KIRREL3: variants seen among roughly 807,000 people sequenced by gnomAD.
The protein encoded by KIRREL3 is kin of IRRE-like protein 3.
A neutral mutation model predicts 89.7 loss-of-function variants in KIRREL3; 36 were observed. The ratio of observed to expected loss-of-function variants is 0.40; its 90% confidence interval spans 0.31 to 0.53. The LOEUF (loss-of-function observed/expected upper bound fraction) is 0.53, where lower values mean the gene tolerates loss of function less well. Ranked by LOEUF, KIRREL3 falls within the 20% of genes least tolerant of loss-of-function variation. The pLI is 0.49. For synonymous variants in KIRREL3, 445 were observed against 441.4 expected, an observed-to-expected ratio of 1.01 and a Z score of -0.10; for missense variants, 864 against 1,056.6, an observed-to-expected ratio of 0.82 and a Z score of 2.53.
At position 126,496,036 on chromosome 11, in the gene KIRREL3, A is replaced by C. The variant is rs1198628223; in HGVS notation, c.434-22570T>G. ...GCATAGCCCAGGCAACAGACATGTG[A>C]CCCCAGCCCCTCCTATGTCTGATTG... On this transcript the variant is annotated intron_variant, in intron 4 of 16. Transcript: ENST00000525144. This position sits in a 1 kb window ranked among gnomAD's most constrained non-coding sequence, Gnocchi z 4.9. Among the ~76,000 whole-genome samples the C allele has an allele frequency of 6.6e-6, 1 of 152,032 alleles. No individual in the cohort carries two copies.
At position 126,656,282 on chromosome 11, in the gene KIRREL3, C is replaced by T; in HGVS notation, c.56-93370G>A. The T allele has an allele frequency of 2.7e-6, 1 of 375,654 alleles. No homozygotes were observed. Among genetic ancestry groups the T allele is most frequent in the Non-Finnish European group, 5.4e-6 (1 of 184,592 alleles). The allele number at this position is 375,654 out of a possible 1,614,324, so 23.3% of individuals were successfully genotyped here. A position where few individuals can be genotyped will look rare whatever the true frequency, so the allele number is the denominator to read the frequency against. On this transcript the variant is annotated intron_variant, in intron 1 of 16. Coordinates refer to ENST00000525144, the MANE Select transcript of KIRREL3 (RefSeq NM_032531.4). The surrounding 1 kb of genome is among the most constrained non-coding windows in gnomAD (Gnocchi z 4.0). ...ATCAGGCTGGTTTCTTAACCATAAC[C>T]TCCATGATTCAGTTTCTTCATTTGC...
rs11600591 is a variant in KIRREL3, at chr11:126,501,778, C to T, written c.433+19537G>A. 2.0e-5 allele frequency among the ~76,000 whole-genome samples: 3 copies of T among 152,208 alleles called. No individual in the cohort carries two copies. The highest frequency in any genetic ancestry group is 4.4e-5 in the Non-Finnish European group (3 of 68,040). On this transcript the variant is annotated intron_variant, in intron 4 of 16. Coordinates refer to ENST00000525144, the MANE Select transcript of KIRREL3 (RefSeq NM_032531.4). This position sits in a 1 kb window ranked among gnomAD's most constrained non-coding sequence, Gnocchi z 5.8. ...TCTGCCTGCCTTTGCCTCCTTTTCC[C>T]GCTTCTGTTCCTAGTTCAACCCCCA...
intron 1 of KIRREL3, among the ~76,000 whole-genome samples, chr11:126,842,861 T>C (rs769374985): frequency 9.2e-5 from 14 of 152,190 alleles, no homozygotes; most frequent in Non-Finnish European, 1.8e-4. Flanking sequence ...TGAGTTTGAC[T>C]CAATATCATA....
chr11:126,819,726 G>A (rs1943142019), intron 1 of KIRREL3, among the ~76,000 whole-genome samples: 2 of 152,240 alleles, frequency 1.3e-5, no homozygotes, highest in South Asian at 4.1e-4. Context: ...CCTGTCAAGA[G>A]GATTGTACCT....
chr11:126,574,172 T>G lies in KIRREL3; in HGVS notation c.56-11260A>C, dbSNP rs1196407840. Among the ~76,000 whole-genome samples the G allele has an allele frequency of 1.3e-5, 2 of 152,200 alleles. No homozygotes were observed. The highest frequency in any genetic ancestry group is 2.9e-5 in the Non-Finnish European group (2 of 68,036). ...AGTTGAAGAAGTAAATACATGTTCTTCTTTAACCCTAAACATTTATGGAGG... is the reference window on the plus strand; with the variant it reads ...AGTTGAAGAAGTAAATACATGTTCTGCTTTAACCCTAAACATTTATGGAGG... On this transcript the variant is annotated intron_variant, in intron 1 of 16. Coordinates refer to ENST00000525144, the MANE Select transcript of KIRREL3 (RefSeq NM_032531.4). The surrounding 1 kb of genome is among the most constrained non-coding windows in gnomAD (Gnocchi z 5.3).
At chr11:126,667,040 T>C (rs1479384352) in intron 1 of KIRREL3, among the ~76,000 whole-genome samples, 1 of 151,836 alleles carries the variant, frequency 6.6e-6, no homozygotes, top group Non-Finnish European at 1.5e-5. Flanking sequence ...CTACATCATT[T>C]TGTACAATTT....
In KIRREL3 at chr11:126,719,438, C is replaced by T. The variant is rs1390218577; in HGVS notation, c.56-156526G>A. 1.3e-5 allele frequency among the ~76,000 whole-genome samples: 2 copies of T among 152,242 alleles called. No individual in the cohort carries two copies. Among genetic ancestry groups the T allele is most frequent in the Non-Finnish European group, 1.5e-5 (1 of 68,042 alleles). On this transcript the variant is annotated intron_variant, in intron 1 of 16. Transcript: ENST00000525144. This position sits in a 1 kb window ranked among gnomAD's most constrained non-coding sequence, Gnocchi z 4.7. ...TCCCAAATGTTGGAGGACCTCAGGG[C>T]TTCTCCGAGCTGTCTACATTCACTG...
At chr11:126,453,175 AT>A (rs1397586674) in intron 7 of KIRREL3, among the ~76,000 whole-genome samples, 1 of 151,880 alleles carries the variant, frequency 6.6e-6, no homozygotes, top group Non-Finnish European at 1.5e-5. Flanking sequence ...AAGAGGATTA[AT>A]TATTTATATC....
At position 126,923,165 on chromosome 11, in the gene KIRREL3, T is replaced by TTCTTCTTCTTC. The variant is rs1947452770; in HGVS notation, c.55+77279_55+77289dup. Among the ~76,000 whole-genome samples, 3 of 24,498 alleles carry TTCTTCTTCTTC rather than the reference T, an allele frequency of 1.2e-4. 1 individual carries two copies. The East Asian group carries it at 1.5e-3, about 12-fold the overall frequency. 16.1% of individuals were successfully genotyped at this position (24,498 alleles called of 152,430 possible). A position where few individuals can be genotyped will look rare whatever the true frequency, so the allele number is the denominator to read the frequency against. On this transcript the variant is annotated intron_variant, in intron 1 of 16. Coordinates refer to ENST00000525144, the MANE Select transcript of KIRREL3 (RefSeq NM_032531.4). Reference sequence around the variant, plus strand: ...CTTCTTCTTCTTCTTCTTCTTCTTCTTCTTCTTCTTCTCTTCTTCTTCTCT... The same window carrying TTCTTCTTCTTC: ...CTTCTTCTTCTTCTTCTTCTTCTTCTTCTTCTTCTTCTCTTCTTCTTCTCTTCTTCTTCTCT...
rs1951405916 is a variant in KIRREL3 at position 126,811,985 on chromosome 11, G to C, written c.55+188470C>G. On this transcript the variant is annotated intron_variant, in intron 1 of 16. Coordinates refer to ENST00000525144, the MANE Select transcript of KIRREL3 (RefSeq NM_032531.4). This position sits in a 1 kb window ranked among gnomAD's most constrained non-coding sequence, Gnocchi z 4.3. ...TCAGCCCTCCCCGTCCCCCAGCACT[G>C]GTATTGACATACTGCAGACCTTCTA... 6.6e-6 allele frequency among the ~76,000 whole-genome samples: 1 copy of C among 152,098 alleles called. No homozygotes were observed. The highest frequency in any genetic ancestry group is 2.4e-5 in the African/African-American group (1 of 41,428).
intron 4 of KIRREL3, among the ~76,000 whole-genome samples, chr11:126,483,203 T>A (rs1378022868): frequency 1.3e-5 from 2 of 152,218 alleles, no homozygotes; most frequent in Non-Finnish European, 2.9e-5. Context: ...TCTGGTTTGT[T>A]ACCATGAGGT....
chr11:126,947,975 C>A (rs1338215694), intron 1 of KIRREL3, among the ~76,000 whole-genome samples: 1 of 152,132 alleles, frequency 6.6e-6, no homozygotes, highest in African/African-American at 2.4e-5. Context: ...TGGTGTTGGG[C>A]TCCTTAGGCG....
chr11:126,895,890 C>G (rs1946138607), intron 1 of KIRREL3, among the ~76,000 whole-genome samples: 1 of 152,226 alleles, frequency 6.6e-6, no homozygotes, highest in Admixed American at 6.5e-5. Flanking sequence ...AGGCAATAAA[C>G]ACTCCTTGCA....
chr11:126,846,324 T>C (rs1274040290), intron 1 of KIRREL3, among the ~76,000 whole-genome samples: 3 of 152,238 alleles, frequency 2.0e-5, no homozygotes, highest in Non-Finnish European at 4.4e-5. Flanking sequence ...CTACTGGATC[T>C]TCTTCCATCT....
In KIRREL3 at chr11:126,898,074, T is replaced by C. The variant is rs1023380192; in HGVS notation, c.55+102381A>G. On this transcript the variant is annotated intron_variant, in intron 1 of 16. Transcript: ENST00000525144. This position sits in a 1 kb window ranked among gnomAD's most constrained non-coding sequence, Gnocchi z 4.9. ...GGGTTGGGAAGTTTGGACAACTGTCTTGTAGAATCAAACATTTTATTTCAG... is the reference window on the plus strand; with the variant it reads ...GGGTTGGGAAGTTTGGACAACTGTCCTGTAGAATCAAACATTTTATTTCAG... Among the ~76,000 whole-genome samples, 5 of 152,190 alleles carry C rather than the reference T, an allele frequency of 3.3e-5. No homozygotes were observed. The highest frequency in any genetic ancestry group is 5.9e-5 in the Non-Finnish European group (4 of 68,044).
intron 4 of KIRREL3, among the ~76,000 whole-genome samples, chr11:126,518,701 C>T (rs1958494535): frequency 6.6e-6 from 1 of 152,232 alleles, no homozygotes; most frequent in Admixed American, 6.5e-5. Flanking sequence ...ACCTCTCTCC[C>T]ATCTGTGGGA....
rs959588199 is a variant in KIRREL3, at chr11:126,515,692, G to A, written c.433+5623C>T. 2.6e-5 allele frequency among the ~76,000 whole-genome samples: 4 copies of A among 152,170 alleles called. No homozygotes were observed. Among genetic ancestry groups the A allele is most frequent in the African/African-American group, 9.7e-5 (4 of 41,440 alleles). ...CTTGTTAGTGCGGGAGCAGGTTGGC[G>A]GTGGGTCTGAGGCTGGGGACACAGC... On this transcript the variant is annotated intron_variant, in intron 4 of 16. Coordinates refer to ENST00000525144, the MANE Select transcript of KIRREL3 (RefSeq NM_032531.4). The surrounding 1 kb of genome is among the most constrained non-coding windows in gnomAD (Gnocchi z 4.2).
chr11:126,618,731 C>T (rs1309907389), intron 1 of KIRREL3, among the ~76,000 whole-genome samples: 2 of 152,202 alleles, frequency 1.3e-5, no homozygotes, highest in African/African-American at 4.8e-5. Context: ...CACCTAGTTT[C>T]AGATATTTCA....
intron 1 of KIRREL3, among the ~76,000 whole-genome samples, chr11:126,786,117 C>G (rs1192301964): frequency 6.6e-6 from 1 of 151,670 alleles, no homozygotes; most frequent in Non-Finnish European, 1.5e-5. Flanking sequence ...TTAAATAAAT[C>G]ATGGTTCATA....
Sources: gnomAD v4.1 joint callset for allele counts (sites outside exome capture counted in the v4.1 genomes callset) on GRCh38, gnomAD v4.1.1 for gene constraint, Gnocchi (gnomAD v3.1) non-coding constraint, MANE v1.5 for transcripts, NCBI Gene and HGNC (gene_info 2026-07-23, HGNC 2026-07-21) for gene names.